ARHGAP18: variants seen among roughly 807,000 people sequenced by gnomAD.
ARHGAP18 encodes the protein Rho GTPase activating protein 18.
Under a neutral mutation model 86.2 loss-of-function variants are expected in ARHGAP18, and 67 were observed. That is an observed-to-expected ratio of 0.78 (90% CI 0.64 to 0.95). The LOEUF is 0.95. Among genes scored for constraint, ARHGAP18 ranks in the 40% least tolerant of loss-of-function variants. The pLI, the probability that ARHGAP18 is intolerant of heterozygous loss-of-function variation, is 0.00. For synonymous variants in ARHGAP18, 283 were observed against 280.4 expected (o/e 1.01, Z -0.09); for missense variants, 691 against 780.4 (o/e 0.89, Z 1.37).
chr6:129,652,141 C>T (rs1773727264), intron 1 of ARHGAP18, among the ~76,000 whole-genome samples: 1 of 152,238 alleles, frequency 6.6e-6, no homozygotes, highest in Non-Finnish European at 1.5e-5. Context: ...GACTGAGACA[C>T]CCTTCCTGGC....
Position 129,583,982 on chromosome 6 carries a change from C to T in ARHGAP18, c.1838+6G>A. ...ATGGCATAATTAACACAAAACAGGCCTCTACCTTTCTTGGCTGAGAAACCT... is the reference window on the plus strand; with the variant it reads ...ATGGCATAATTAACACAAAACAGGCTTCTACCTTTCTTGGCTGAGAAACCT... On this transcript the variant is annotated splice_donor_region_variant and intron_variant, in intron 13 of 14. Transcript: ENST00000368149. 1 of 1,612,706 alleles carries T rather than the reference C, an allele frequency of 6.2e-7. No individual in the cohort carries two copies. Among genetic ancestry groups the T allele is most frequent in the Non-Finnish European group, 8.5e-7 (1 of 1,179,300 alleles).
intron 10 of ARHGAP18, among the ~76,000 whole-genome samples, chr6:129,602,560 T>C (rs1380624472): frequency 1.3e-5 from 2 of 152,168 alleles, no homozygotes; most frequent in African/African-American, 4.8e-5. Context: ...TATATAGACC[T>C]TGAAACTTTG....
intron 1 of ARHGAP18, among the ~76,000 whole-genome samples, chr6:129,649,553 C>CAAAAA (rs35700328): frequency 8.0e-5 from 4 of 49,996 alleles, no homozygotes; most frequent in African/African-American, 1.6e-4. Flanking sequence ...TCTCTGTCTC[C>CAAAAA]AAAAAAAAAA....
intron 1 of ARHGAP18, among the ~76,000 whole-genome samples, chr6:129,693,395 G>C (rs962453315): frequency 6.6e-6 from 1 of 152,154 alleles, no homozygotes; most frequent in African/African-American, 2.4e-5. Flanking sequence ...TGCTGGTTCC[G>C]GAAGACTTTT....
intron 1 of ARHGAP18, among the ~76,000 whole-genome samples, chr6:129,677,044 G>C (rs913076845): frequency 6.8e-6 from 1 of 147,074 alleles, no homozygotes; most frequent in African/African-American, 2.5e-5. Flanking sequence ...GATCTAAAAC[G>C]TAAATTCAGG....
intron 1 of ARHGAP18, among the ~76,000 whole-genome samples, chr6:129,683,458 G>T (rs1774363466): frequency 6.6e-6 from 1 of 152,094 alleles, no homozygotes; most frequent in Non-Finnish European, 1.5e-5. Flanking sequence ...TTTTCCCGTA[G>T]AAATGAAAAA....
intron 1 of ARHGAP18, among the ~76,000 whole-genome samples, chr6:129,703,850 A>G (rs1177126831): frequency 6.6e-6 from 1 of 152,260 alleles, no homozygotes; most frequent in African/African-American, 2.4e-5. Context: ...CCATTTAGTC[A>G]CTAAATTCTA....
chr6:129,636,775 G>A (rs971052572), intron 3 of ARHGAP18, among the ~76,000 whole-genome samples: 1 of 152,186 alleles, frequency 6.6e-6, no homozygotes, highest in Non-Finnish European at 1.5e-5. Context: ...CTACTCCGAG[G>A]CTGAGGCAGG....
chr6:129,638,658 A>C, intron 2 of ARHGAP18, 29 bp from the exon 3 acceptor site: 1 of 1,579,404 alleles, frequency 6.3e-7, no homozygotes, highest in African/African-American at 1.4e-5. Flanking sequence ...GTGGTACTTA[A>C]ATCACAAAAT....
At chr6:129,641,104 A>C (rs1028804296) in intron 2 of ARHGAP18, among the ~76,000 whole-genome samples, 1 of 152,178 alleles carries the variant, frequency 6.6e-6, no homozygotes, top group Non-Finnish European at 1.5e-5. Context: ...GTCCAACTCT[A>C]TATTTTTAGA....
intron 1 of ARHGAP18, among the ~76,000 whole-genome samples, chr6:129,649,370 AG>A (rs1773653313): frequency 6.6e-6 from 1 of 152,098 alleles, no homozygotes; most frequent in African/African-American, 2.4e-5. Flanking sequence ...CCTGGCCAAC[AG>A]GGCGAAACCT....
At chr6:129,631,287 C>T (rs1386251122) in intron 4 of ARHGAP18, among the ~76,000 whole-genome samples, 1 of 152,084 alleles carries the variant, frequency 6.6e-6, no homozygotes, top group Non-Finnish European at 1.5e-5. Flanking sequence ...ACAATAAATA[C>T]CCCCACACTC....
At position 129,629,243 on chromosome 6, in the gene ARHGAP18, C is replaced by T. The variant is rs537667750; in HGVS notation, c.786+110G>A. 2.5e-5 allele frequency: 22 copies of T among 872,388 alleles called. No individual in the cohort carries two copies. The African/African-American group carries it at 3.7e-4, about 15-fold the overall frequency. The allele number at this position is 872,388 out of a possible 1,614,324, so 54.0% of individuals were successfully genotyped here. ...TCTCTCTGTCTGTCTGTCTCTCTCT[C>T]TCTCTATATATATATATATGTGTGT... On this transcript the variant is annotated intron_variant, in intron 5 of 14. Transcript: ENST00000368149.
chr6:129,683,227 A>G (rs1249732474), intron 1 of ARHGAP18, among the ~76,000 whole-genome samples: 1 of 151,604 alleles, frequency 6.6e-6, no homozygotes, highest in African/African-American at 2.4e-5. Flanking sequence ...ACTCGCCACC[A>G]CGCCCGGCTA....
intron 1 of ARHGAP18, among the ~76,000 whole-genome samples, chr6:129,691,645 C>T (rs534905798): frequency 6.6e-6 from 1 of 152,100 alleles, no homozygotes; most frequent in South Asian, 2.1e-4. Context: ...TAAACAAGTG[C>T]TTCTCGGGCC....
intron 1 of ARHGAP18, among the ~76,000 whole-genome samples, chr6:129,654,164 G>T (rs1032509868): frequency 6.6e-6 from 1 of 152,158 alleles, no homozygotes; most frequent in East Asian, 1.9e-4. Flanking sequence ...TATGAGGGAC[G>T]GACAAAGGTT....
At chr6:129,602,358 C>T (rs937207598) in intron 10 of ARHGAP18, among the ~76,000 whole-genome samples, 67 of 152,176 alleles carry the variant, frequency 4.4e-4, no homozygotes, top group Non-Finnish European at 2.2e-4. Context: ...GTCTATCTGG[C>T]TTTTGTTTCT....
In ARHGAP18 at chr6:129,611,441, G is replaced by GA. The variant is rs1788977641; in HGVS notation, c.1122+91dup. The GA allele has an allele frequency of 5.7e-6, 6 of 1,052,048 alleles. No homozygotes were observed. In the East Asian group the frequency reaches 1.0e-4, roughly 18 times the overall value. The allele number at this position is 1,052,048 out of a possible 1,614,324, so 65.2% of individuals were successfully genotyped here. On this transcript the variant is annotated intron_variant, in intron 8 of 14. Transcript: ENST00000368149. ...TATTTTATCTACTTTACTAACAATG[G>GA]AAAAAAGGGGTAGAGAGGACAAGTT...
At chr6:129,670,837 G>C (rs907020866) in intron 1 of ARHGAP18, among the ~76,000 whole-genome samples, 2 of 151,786 alleles carry the variant, frequency 1.3e-5, no homozygotes, top group African/African-American at 2.4e-5. Flanking sequence ...GACCCCCTCA[G>C]GTTCCTCCCC....
Sources: gnomAD v4.1 joint callset for allele counts (sites outside exome capture counted in the v4.1 genomes callset) on GRCh38, gnomAD v4.1.1 for gene constraint, MANE v1.5 for transcripts, NCBI Gene and HGNC (gene_info 2026-07-23, HGNC 2026-07-21) for gene names.